PLA2G4A: variants seen among roughly 807,000 people sequenced by gnomAD.
The protein encoded by PLA2G4A is cytosolic phospholipase A2.
In PLA2G4A, 40 loss-of-function variants were observed where a neutral mutation model predicts 81.9. That is an observed-to-expected ratio of 0.49 (90% CI 0.38 to 0.64). The LOEUF (loss-of-function observed/expected upper bound fraction) is 0.64, where lower values mean the gene tolerates loss of function less well. Ranked by LOEUF, PLA2G4A falls within the 30% of genes least tolerant of loss-of-function variation. PLA2G4A has a pLI of 0.00. For missense variants in PLA2G4A, 715 were observed against 905.1 expected (o/e 0.79, Z 2.69); for synonymous variants, 302 against 296.9 (o/e 1.02, Z -0.18).
intron 5 of PLA2G4A, among the ~76,000 whole-genome samples, chr1:186,901,927 A>G (rs1378509350): frequency 6.6e-6 from 1 of 152,204 alleles, no homozygotes; most frequent in African/African-American, 2.4e-5. Flanking sequence ...TTGTTTTACT[A>G]AAAATATTAT....
chr1:186,851,304 A>G (rs1652362990), intron 1 of PLA2G4A, among the ~76,000 whole-genome samples: 1 of 152,014 alleles, frequency 6.6e-6, no homozygotes, highest in Non-Finnish European at 1.5e-5. Flanking sequence ...GCAGCAATCT[A>G]AAGGCTTCAT....
chr1:186,869,699 T>G (rs1417194996), intron 2 of PLA2G4A, among the ~76,000 whole-genome samples: 1 of 152,190 alleles, frequency 6.6e-6, no homozygotes, highest in Non-Finnish European at 1.5e-5. Context: ...TCTCCTAAGA[T>G]TAAAACAAGA....
chr1:186,857,793 C>T (rs58537066), intron 2 of PLA2G4A, among the ~76,000 whole-genome samples: 8,007 of 151,712 alleles, frequency 0.053, 700 homozygotes, highest in African/African-American at 0.18. Context: ...TGATGTTCCC[C>T]GCTCTGTGTC....
At chr1:186,972,151 G>C (rs1657377593) in intron 15 of PLA2G4A, among the ~76,000 whole-genome samples, 1 of 152,102 alleles carries the variant, frequency 6.6e-6, no homozygotes, top group African/African-American at 2.4e-5. Flanking sequence ...AATGACATCA[G>C]TGTGACACTA....
intron 3 of PLA2G4A, among the ~76,000 whole-genome samples, chr1:186,884,791 T>G (rs1653872316): frequency 6.6e-6 from 1 of 150,984 alleles, no homozygotes; most frequent in South Asian, 2.1e-4. Context: ...GGCTAAAGTG[T>G]GAGGATCACC....
chr1:186,937,750 G>A (rs1028904114), intron 8 of PLA2G4A, among the ~76,000 whole-genome samples: 5 of 151,448 alleles, frequency 3.3e-5, no homozygotes, highest in Non-Finnish European at 4.4e-5. Context: ...ATAGCCTACT[G>A]GGGAGAGGAT....
chr1:186,959,548 A>C (rs1473721088), intron 14 of PLA2G4A, among the ~76,000 whole-genome samples: 4 of 152,226 alleles, frequency 2.6e-5, no homozygotes, highest in African/African-American at 9.6e-5. Context: ...GATTTCATTA[A>C]AAAATTTAGT....
At chr1:186,917,530 T>TG (rs1655183198) in intron 7 of PLA2G4A, among the ~76,000 whole-genome samples, 1 of 152,174 alleles carries the variant, frequency 6.6e-6, no homozygotes, top group African/African-American at 2.4e-5. Flanking sequence ...TCCGGAACTC[T>TG]GAGGTCAGTA....
intron 2 of PLA2G4A, among the ~76,000 whole-genome samples, chr1:186,868,071 CTTTTT>C (rs59978011): frequency 8.9e-6 from 1 of 112,906 alleles, no homozygotes; most frequent in Non-Finnish European, 1.7e-5. Context: ...GTGTATAATT[CTTTTT>C]TTTTTTTTTT....
chr1:186,857,479 TAC>T (rs1652629348), intron 2 of PLA2G4A, among the ~76,000 whole-genome samples: 1 of 135,596 alleles, frequency 7.4e-6, no homozygotes, highest in South Asian at 2.2e-4. Flanking sequence ...ATAATATATA[TAC>T]AATATATAAC....
chr1:186,843,970 G>T (rs1312004901), intron 1 of PLA2G4A, among the ~76,000 whole-genome samples: 2 of 152,172 alleles, frequency 1.3e-5, no homozygotes, highest in Non-Finnish European at 2.9e-5. Context: ...GATAGATTAA[G>T]AAGCTGTGAC....
intron 15 of PLA2G4A, among the ~76,000 whole-genome samples, chr1:186,967,732 A>G (rs1571453576): frequency 1.3e-5 from 2 of 152,126 alleles, no homozygotes; most frequent in East Asian, 1.9e-4. Flanking sequence ...AGAGATGGCA[A>G]TGAGCACATC....
At chr1:186,929,687 C>A (rs546861191) in intron 7 of PLA2G4A, among the ~76,000 whole-genome samples, 2 of 152,266 alleles carry the variant, frequency 1.3e-5, no homozygotes, top group South Asian at 2.1e-4. Context: ...GCAGACCCAA[C>A]TTTGACTCCA....
intron 14 of PLA2G4A, among the ~76,000 whole-genome samples, chr1:186,964,003 A>T (rs888746237): frequency 2.6e-5 from 4 of 152,192 alleles, no homozygotes; most frequent in African/African-American, 4.8e-5. Context: ...TGACTATAGG[A>T]GAATTATAGT....
intron 3 of PLA2G4A, among the ~76,000 whole-genome samples, chr1:186,880,083 G>C (rs1034179673): frequency 6.6e-6 from 1 of 151,940 alleles, no homozygotes; most frequent in African/African-American, 2.4e-5. Context: ...TTTGGGGCTG[G>C]AACTCAAACT....
At chr1:186,876,908 C>T (rs1187177811) in intron 3 of PLA2G4A, among the ~76,000 whole-genome samples, 1 of 152,076 alleles carries the variant, frequency 6.6e-6, no homozygotes, top group African/African-American at 2.4e-5. Context: ...GTCCTCTCAC[C>T]TGTAGGGCGA....
chr1:186,848,775 C>A (rs907398543), intron 1 of PLA2G4A, among the ~76,000 whole-genome samples: 15 of 151,614 alleles, frequency 9.9e-5, no homozygotes, highest in African/African-American at 3.6e-4. Flanking sequence ...AGAAAGGGGG[C>A]AGAGAAGGGA....
chr1:186,975,130 A>T (rs1312492569), intron 15 of PLA2G4A, among the ~76,000 whole-genome samples: 1 of 152,242 alleles, frequency 6.6e-6, no homozygotes, highest in East Asian at 1.9e-4. Context: ...ATGTTGAATA[A>T]TCACGAGTGA....
intron 14 of PLA2G4A, among the ~76,000 whole-genome samples, chr1:186,962,196 T>C (rs1484600378): frequency 1.3e-5 from 2 of 152,146 alleles, no homozygotes; most frequent in African/African-American, 4.8e-5. Flanking sequence ...TTCTCTTTTA[T>C]CTTTACTGTT....
Sources: allele counts gnomAD v4.1 joint callset (sites outside exome capture counted in the v4.1 genomes callset), GRCh38; gene constraint gnomAD v4.1.1; transcripts MANE v1.5; gene names NCBI Gene and HGNC (gene_info 2026-07-23, HGNC 2026-07-21).